AKAP19: variants seen among roughly 807,000 people sequenced by gnomAD.
The protein encoded by AKAP19 is A-kinase anchoring protein 19, also known as small A-kinase anchoring protein.
chr2:189,981,107 T>C, the AKAP19 span, among the ~76,000 whole-genome samples: 1 of 152,220 alleles, frequency 6.6e-6, no homozygotes, highest in African/African-American at 2.4e-5. Context: ...ATGCTGTCAA[T>C]GGGGTTGTTG....
At chr2:189,882,234 A>G in the AKAP19 span, among the ~76,000 whole-genome samples, 5 of 152,220 alleles carry the variant, frequency 3.3e-5, no homozygotes, top group African/African-American at 4.8e-5. Context: ...CCTAAACGTG[A>G]TAAGTTTTAT....
At chr2:190,095,113 C>G in the AKAP19 span, among the ~76,000 whole-genome samples, 2 of 152,094 alleles carry the variant, frequency 1.3e-5, no homozygotes, top group Non-Finnish European at 2.9e-5. Flanking sequence ...ATCCCAGCTA[C>G]TCAGGAGGCT....
At chr2:189,931,002 G>A in the AKAP19 span, 1 of 794,032 alleles carries the variant, frequency 1.3e-6, no homozygotes, top group Admixed American at 2.2e-5. Context: ...ATTTGAGGCA[G>A]TTCCCCATCT....
chr2:189,969,926 G>T, the AKAP19 span, among the ~76,000 whole-genome samples: 5 of 135,866 alleles, frequency 3.7e-5, no homozygotes, highest in African/African-American at 5.7e-5. Flanking sequence ...AAGCTGGAGT[G>T]CAGTGGCACA....
At chr2:190,039,117 G>A in the AKAP19 span, among the ~76,000 whole-genome samples, 1 of 150,340 alleles carries the variant, frequency 6.7e-6, no homozygotes, top group South Asian at 2.1e-4. Flanking sequence ...CTGTCCCCCA[G>A]GCTGGAGTGC....
At chr2:189,962,699 T>G in the AKAP19 span, among the ~76,000 whole-genome samples, 1 of 152,176 alleles carries the variant, frequency 6.6e-6, no homozygotes, top group Non-Finnish European at 1.5e-5. Context: ...TCACTGTATT[T>G]TGATATTGTT....
At chr2:190,035,783 A>G in the AKAP19 span, among the ~76,000 whole-genome samples, 1 of 152,172 alleles carries the variant, frequency 6.6e-6, no homozygotes, top group African/African-American at 2.4e-5. Context: ...GTTGTATTCC[A>G]TTTTATGGAT....
the AKAP19 span, among the ~76,000 whole-genome samples, chr2:190,144,248 G>A: frequency 8.5e-5 from 12 of 140,982 alleles, no homozygotes; most frequent in East Asian, 2.0e-4. Context: ...GGCTCTAACA[G>A]AAAAAAAAAA....
At chr2:189,889,538 G>A in the AKAP19 span, among the ~76,000 whole-genome samples, 1 of 152,118 alleles carries the variant, frequency 6.6e-6, no homozygotes, top group Non-Finnish European at 1.5e-5. Flanking sequence ...GTAGAATTCG[G>A]CTGTGAATCT....
At chr2:190,090,845 C>A in the AKAP19 span, 12 of 152,192 alleles carry the variant, frequency 7.9e-5, 1 homozygote, top group Admixed American at 7.9e-4. Context: ...TAATACTTAG[C>A]GCACTGTAGT....
At chr2:189,998,161 T>C in the AKAP19 span, among the ~76,000 whole-genome samples, 1,440 of 152,332 alleles carry the variant, frequency 9.5e-3, 23 homozygotes, top group African/African-American at 0.033. Flanking sequence ...TTACAGAATT[T>C]CCAGTGGTGT....
At chr2:189,935,273 T>C in the AKAP19 span, among the ~76,000 whole-genome samples, 1 of 151,760 alleles carries the variant, frequency 6.6e-6, no homozygotes, top group African/African-American at 2.4e-5. Flanking sequence ...CATTTGGAGT[T>C]CAGACATATA....
chr2:190,199,929 G>C, the AKAP19 span: 1 of 1,614,122 alleles, frequency 6.2e-7, no homozygotes, highest in Non-Finnish European at 8.5e-7. Context: ...AGCAGCATGA[G>C]AGTGAAGAAC....
the AKAP19 span, among the ~76,000 whole-genome samples, chr2:190,081,489 T>A: frequency 6.6e-6 from 1 of 152,192 alleles, no homozygotes; most frequent in Non-Finnish European, 1.5e-5. Flanking sequence ...ACCCGCATCT[T>A]ACCTCTCCCC....
At chr2:190,173,398 T>C in the AKAP19 span, among the ~76,000 whole-genome samples, 1 of 152,206 alleles carries the variant, frequency 6.6e-6, no homozygotes, top group Non-Finnish European at 1.5e-5. Flanking sequence ...GATTGAAAGC[T>C]GCCTCCTTAG....
chr2:189,898,445 A>G, the AKAP19 span, among the ~76,000 whole-genome samples: 1 of 151,816 alleles, frequency 6.6e-6, no homozygotes, highest in Non-Finnish European at 1.5e-5. Context: ...TTTCCCACCT[A>G]CTTTCATCTT....
At chr2:190,180,884 C>T in the AKAP19 span, 1 of 985,318 alleles carries the variant, frequency 1.0e-6, no homozygotes, top group Non-Finnish European at 1.2e-6. This position sits in a 1 kb window ranked among gnomAD's most constrained non-coding sequence, Gnocchi z 6.8. Flanking sequence ...CTTGGCTGAG[C>T]CGGGCGCCGG....
chr2:190,144,907 G>T, the AKAP19 span, among the ~76,000 whole-genome samples: 1 of 151,924 alleles, frequency 6.6e-6, no homozygotes, highest in Non-Finnish European at 1.5e-5. Context: ...AACCCGGGAG[G>T]TGGAGGTTGC....
At chr2:189,922,642 A>T in the AKAP19 span, among the ~76,000 whole-genome samples, 1 of 152,250 alleles carries the variant, frequency 6.6e-6, no homozygotes, top group Non-Finnish European at 1.5e-5. Context: ...GCTGAGGTTG[A>T]ACAAGTCAAC....
Sources: allele counts gnomAD v4.1 joint callset (sites outside exome capture counted in the v4.1 genomes callset), GRCh38; gene constraint gnomAD v4.1.1; non-coding constraint Gnocchi (gnomAD v3.1); transcripts MANE v1.5; gene names NCBI Gene and HGNC (gene_info 2026-07-23, HGNC 2026-07-21).